ZDBF2: variants seen among roughly 807,000 people sequenced by gnomAD.
ZDBF2 encodes the protein zinc finger DBF-type containing 2.
A neutral mutation model predicts 9.4 loss-of-function variants in ZDBF2; 6 were observed. That is an observed-to-expected ratio of 0.64 (90% confidence interval 0.35 to 1.27). The LOEUF (loss-of-function observed/expected upper bound fraction) is 1.27. Among genes scored for constraint, ZDBF2 ranks in the 50% most tolerant of loss-of-function variants. ZDBF2 has a pLI of 0.03. For synonymous variants in ZDBF2, 905 were observed against 946.3 expected (o/e 0.96, Z 0.80); for missense variants, 2,697 against 2,766.8 (o/e 0.97, Z 0.57).
intron 4 of ZDBF2, among the ~76,000 whole-genome samples, chr2:206,302,475 C>G (rs1050932477): frequency 6.6e-6 from 1 of 152,100 alleles, no homozygotes. Context: ...CAGTTCATGA[C>G]CTTCTTGGGA....
intron 2 of ZDBF2, among the ~76,000 whole-genome samples, chr2:206,281,493 T>C (rs546525285): frequency 6.6e-6 from 1 of 152,316 alleles, no homozygotes; most frequent in African/African-American, 2.4e-5. Flanking sequence ...TTAGAAGTAA[T>C]TGGTCTTCGC....
intron 3 of ZDBF2, among the ~76,000 whole-genome samples, chr2:206,285,363 A>C (rs1037397426): frequency 1.3e-5 from 2 of 152,118 alleles, no homozygotes; most frequent in African/African-American, 4.8e-5. Context: ...ATGATATCTC[A>C]TTGTGGTTTT....
chr2:206,296,728 G>T (rs960023717), intron 3 of ZDBF2, among the ~76,000 whole-genome samples: 1 of 151,852 alleles, frequency 6.6e-6, no homozygotes. Flanking sequence ...TAAATCCAGC[G>T]CCATAGACTG....
intron 4 of ZDBF2, 25 bp from the exon 5 acceptor site, chr2:206,304,690 TTA>T: frequency 6.4e-7 from 1 of 1,571,824 alleles, no homozygotes; most frequent in Non-Finnish European, 8.6e-7. Flanking sequence ...TAGAATATGT[TTA>T]TGAGTTTCCC....
Position 206,281,831 on chromosome 2 carries a change from CTT to C in ZDBF2, c.-18_-17del, listed in dbSNP as rs764705009. 6.8e-6 allele frequency: 11 copies of C among 1,610,994 alleles called. No individual in the cohort carries two copies. The highest frequency in any genetic ancestry group is 8.5e-6 in the Non-Finnish European group (10 of 1,178,692). On this transcript the variant is annotated 5_prime_UTR_variant, in exon 3 of 5. Transcript: ENST00000374423. ...GTATTCAAAGACAGTAGCCATCTGA[CTT>C]CAGTTATTTATTCAAGATGCAGAAA...
rs1484653119 is a variant in ZDBF2, at chr2:206,310,415, C to G, written c.5887C>G (p.Gln1963Glu). 2 of 1,613,946 alleles carry G rather than the reference C, an allele frequency of 1.2e-6. No individual in the cohort carries two copies. Among genetic ancestry groups the G allele is most frequent in the African/African-American group, 1.3e-5 (1 of 75,024 alleles). The change falls in exon 5 of 5, where the codon CAA (glutamine) becomes GAA (glutamate). Residue 1963 changes from glutamine to glutamate, a missense_variant. Gln to Glu is a conservative substitution (Grantham distance 29, BLOSUM62 2). This residue lies in a region of ZDBF2 where 1,783 missense variants were observed against 1,776.5 expected (regional missense o/e 1.00). Coordinates refer to ENST00000374423, the MANE Select transcript of ZDBF2 (RefSeq NM_020923.3). ...YPVMKRKIIRQEEDPPKSKCS... is the reference protein window; with the variant it reads ...YPVMKRKIIREEEDPPKSKCS... ...AGTGATGAAAAGAAAAATAATTAGACAAGAGGAAGACCCACCAAAAAGTAA... is the reference window on the plus strand; with the variant it reads ...AGTGATGAAAAGAAAAATAATTAGAGAAGAGGAAGACCCACCAAAAAGTAA...
At position 206,306,291 on chromosome 2, in the gene ZDBF2, C is replaced by T. The variant is rs1172666251; in HGVS notation, c.1763C>T (p.Ser588Phe). The T allele has an allele frequency of 6.2e-7, 1 of 1,613,518 alleles. No individual in the cohort carries two copies. Among genetic ancestry groups the T allele is most frequent in the African/African-American group, 1.3e-5 (1 of 74,908 alleles). The change falls in exon 5 of 5, where the codon TCT becomes TTT. Residue 588 changes from serine to phenylalanine, a missense_variant. By Grantham distance (155) the Ser-to-Phe change is radical. Around this residue, in one of 3 missense-constraint regions of ZDBF2, gnomAD observed 910 missense variants for 973.6 expected, o/e 0.93. Coordinates refer to ENST00000374423, the MANE Select transcript of ZDBF2 (RefSeq NM_020923.3). Reference sequence around the variant, plus strand: ...GAAACAAGTTTTGATTGTGATGTTTCTCTTGAGTCAGTAGTTGATCATCCC... The same window carrying T: ...GAAACAAGTTTTGATTGTGATGTTTTTCTTGAGTCAGTAGTTGATCATCCC... ...CSETSFDCDV[S>F]LESVVDHPQL...
At position 206,306,420 on chromosome 2, in the gene ZDBF2, C is replaced by T. The variant is rs779221413; in HGVS notation, c.1892C>T (p.Ser631Leu). Residue 631 changes from serine to leucine, a missense_variant, in exon 5 of 5, where the codon TCA becomes TTA. Coordinates refer to ENST00000374423, the MANE Select transcript of ZDBF2 (RefSeq NM_020923.3). ...AAAGCACATCTTGATTGTGATGTCT[C>T]ACTTGGGACAGTTGCAGATGAATCC... is the stretch of plus-strand genomic sequence containing the variant. ...SAKAHLDCDV[S>L]LGTVADESQR... The T allele has an allele frequency of 6.2e-7, 1 of 1,613,860 alleles. No homozygotes were observed. Among genetic ancestry groups the T allele is most frequent in the South Asian group, 1.1e-5 (1 of 91,082 alleles).
At position 206,309,385 on chromosome 2, in the gene ZDBF2, A is replaced by G. The variant is rs772367650; in HGVS notation, c.4857A>G (p.Gln1619=). 4.3e-6 allele frequency: 7 copies of G among 1,613,738 alleles called. No individual in the cohort carries two copies. Among genetic ancestry groups the G allele is most frequent in the South Asian group, 1.1e-5 (1 of 91,024 alleles). ...DYIILGEPSC[Q]SCGSEMNFNV... The stretch of plus-strand genomic sequence containing the variant: ...TTATTCTGGGAGAGCCAAGTTGTCA[A>G]TCTTGTGGTTCTGAAATGAATTTTA... The change falls in exon 5 of 5, where the codon CAA becomes CAG. Residue 1619 remains glutamine, a synonymous_variant. Transcript: ENST00000374423.
chr2:206,298,845 A>C (rs1289985695), intron 4 of ZDBF2, among the ~76,000 whole-genome samples: 1 of 151,676 alleles, frequency 6.6e-6, no homozygotes, highest in African/African-American at 2.4e-5. Context: ...AACTCTCATA[A>C]GCAGTGCTTC....
In ZDBF2 at chr2:206,308,115, G is replaced by T; in HGVS notation, c.3587G>T (p.Gly1196Val). 1 of 1,613,944 alleles carries T rather than the reference G, an allele frequency of 6.2e-7. No homozygotes were observed. Among genetic ancestry groups the T allele is most frequent in the Non-Finnish European group, 8.5e-7 (1 of 1,179,862 alleles). ...GAAGGTAAGCACAATCAATGTTGTG[G>T]TTCTGAAGTAAGTTTTGATTCTGAT... ...ELEGKHNQCCGSEVSFDSDDP... is the reference protein window; with the variant it reads ...ELEGKHNQCCVSEVSFDSDDP... Residue 1196 changes from glycine (G) to valine (V), a missense_variant, in exon 5 of 5, where the codon GGT (glycine) becomes GTT (valine). Coordinates refer to ENST00000374423, the MANE Select transcript of ZDBF2 (RefSeq NM_020923.3).
chr2:206,303,036 T>C (rs888967456), intron 4 of ZDBF2, among the ~76,000 whole-genome samples: 1 of 152,150 alleles, frequency 6.6e-6, no homozygotes, highest in Non-Finnish European at 1.5e-5. Flanking sequence ...ATATTTGTTA[T>C]AAGTAATGAA....
intron 3 of ZDBF2, among the ~76,000 whole-genome samples, chr2:206,296,491 T>TTA (rs1243542067): frequency 6.6e-6 from 1 of 152,212 alleles, no homozygotes; most frequent in African/African-American, 2.4e-5. Context: ...CATTAATCCC[T>TTA]TACTGTGTGT....
Position 206,311,605 on chromosome 2 carries a change from G to A in ZDBF2, c.*12G>A. 6.8e-7 allele frequency: 1 copy of A among 1,478,640 alleles called. No individual in the cohort carries two copies. Among genetic ancestry groups the A allele is most frequent in the Non-Finnish European group, 9.0e-7 (1 of 1,114,616 alleles). 91.6% of individuals were successfully genotyped at this position (1,478,640 alleles called of 1,614,324 possible). A position where few individuals can be genotyped will look rare whatever the true frequency, so the allele number is the denominator to read the frequency against. On this transcript the variant is annotated 3_prime_UTR_variant, in exon 5 of 5. Coordinates refer to ENST00000374423, the MANE Select transcript of ZDBF2 (RefSeq NM_020923.3). ...ATGAGGTAAAATAGAAGTTGGTTTT[G>A]TGTTCAGGCTAGTTGAGGATTCAGT...
At chr2:206,301,594 T>TA (rs937683741) in intron 4 of ZDBF2, among the ~76,000 whole-genome samples, 3 of 151,962 alleles carry the variant, frequency 2.0e-5, no homozygotes, top group Non-Finnish European at 2.9e-5. Flanking sequence ...TTCCTTGATT[T>TA]AAAAAAAATC....
At chr2:206,288,673 C>T (rs1691723320) in intron 3 of ZDBF2, among the ~76,000 whole-genome samples, 1 of 152,040 alleles carries the variant, frequency 6.6e-6, no homozygotes, top group South Asian at 2.1e-4. Flanking sequence ...GTAGGTTGCC[C>T]ACAGAGCCAG....
chr2:206,309,891 A>G lies in ZDBF2; in HGVS notation c.5363A>G (p.Gln1788Arg). ...SDLKEKNHDSQSSSVLKVDSV... is the reference protein window; with the variant it reads ...SDLKEKNHDSRSSSVLKVDSV... ...TTGAAAGAAAAGAACCATGATTCCC[A>G]GTCAAGCTCTGTTCTCAAGGTTGAT... The change falls in exon 5 of 5, where the codon CAG becomes CGG. Residue 1788 changes from glutamine (Q) to arginine (R), a missense_variant. By Grantham distance (43) the Gln-to-Arg change is conservative. Around this residue, in one of 3 missense-constraint regions of ZDBF2, gnomAD observed 1,783 missense variants for 1,776.5 expected, o/e 1.00. Coordinates refer to ENST00000374423, the MANE Select transcript of ZDBF2 (RefSeq NM_020923.3). 1 of 1,614,000 alleles carries G rather than the reference A, an allele frequency of 6.2e-7. No individual in the cohort carries two copies. The highest frequency in any genetic ancestry group is 8.5e-7 in the Non-Finnish European group (1 of 1,179,892).
rs1394922570 is a variant in ZDBF2, at chr2:206,312,935, C to T, written c.*1342C>T. On this transcript the variant is annotated 3_prime_UTR_variant, in exon 5 of 5. Coordinates refer to ENST00000374423, the MANE Select transcript of ZDBF2 (RefSeq NM_020923.3). ...TAACAGTTCAAATGAAAGATGTTAA[C>T]GAGATGCAGTTTGAGTCTGGGATAC... The T allele has an allele frequency of 1.3e-5, 2 of 152,140 alleles. No individual in the cohort carries two copies. Among genetic ancestry groups the T allele is most frequent in the Non-Finnish European group, 2.9e-5 (2 of 68,036 alleles). 9.4% of individuals were successfully genotyped at this position (152,140 alleles called of 1,614,324 possible).
Position 206,309,889 on chromosome 2 carries a change from C to G in ZDBF2, c.5361C>G (p.Ser1787=), listed in dbSNP as rs536792788. The G allele has an allele frequency of 6.2e-7, 1 of 1,613,844 alleles. No individual in the cohort carries two copies. Among genetic ancestry groups the G allele is most frequent in the East Asian group, 2.2e-5 (1 of 44,872 alleles). ...SSDLKEKNHD[S]QSSSVLKVDS... Reference sequence around the variant, plus strand: ...ACTTGAAAGAAAAGAACCATGATTCCCAGTCAAGCTCTGTTCTCAAGGTTG... The same window carrying G: ...ACTTGAAAGAAAAGAACCATGATTCGCAGTCAAGCTCTGTTCTCAAGGTTG... Residue 1787 remains serine, a synonymous_variant, in exon 5 of 5, where the codon TCC becomes TCG. Coordinates refer to ENST00000374423, the MANE Select transcript of ZDBF2 (RefSeq NM_020923.3).
Sources: allele counts gnomAD v4.1 joint callset (sites outside exome capture counted in the v4.1 genomes callset), GRCh38; gene constraint gnomAD v4.1.1; regional missense constraint gnomAD v4.1.1; transcripts MANE v1.5; gene names NCBI Gene and HGNC (gene_info 2026-07-23, HGNC 2026-07-21).